RHCE: variants seen among roughly 807,000 people sequenced by gnomAD.
RHCE encodes the protein blood group Rh(CE) polypeptide.
A neutral mutation model predicts 43.8 loss-of-function variants in RHCE; 22 were observed. That is an observed-to-expected ratio of 0.50 (90% CI 0.36 to 0.72). The LOEUF (loss-of-function observed/expected upper bound fraction) is 0.72, where lower values mean the gene tolerates loss of function less well. Among genes scored for constraint, RHCE ranks in the 30% least tolerant of loss-of-function variants. The probability of loss-of-function intolerance (pLI) is 0.00; values close to 1 mark genes in which losing one functional copy is unlikely to be tolerated. For synonymous variants in RHCE, 156 were observed against 210.7 expected (o/e 0.74, Z 2.25); for missense variants, 385 against 525.4 (o/e 0.73, Z 2.61).
intron 3 of RHCE, among the ~76,000 whole-genome samples, chr1:25,395,246 C>G (rs1465135070): frequency 2.1e-5 from 3 of 144,324 alleles, no homozygotes; most frequent in Non-Finnish European, 4.5e-5. Flanking sequence ...ATTCTCTCTC[C>G]CTGGACTACA....
chr1:25,396,032 C>A (rs1646524550), intron 3 of RHCE, among the ~76,000 whole-genome samples: 1 of 151,566 alleles, frequency 6.6e-6, no homozygotes, highest in Non-Finnish European at 1.5e-5. Flanking sequence ...TTAACACACC[C>A]AGTAATGGGG....
chr1:25,408,951 T>C lies in RHCE; in HGVS notation c.149-82A>G, dbSNP rs1372409878. 3.1e-6 allele frequency: 3 copies of C among 981,110 alleles called. 1 individual carries two copies. The highest frequency in any genetic ancestry group is 1.5e-5 in the African/African-American group (1 of 68,786). The allele number at this position is 981,110 out of a possible 1,614,324, so 60.8% of individuals were successfully genotyped here. On this transcript the variant is annotated intron_variant, in intron 1 of 9. Coordinates refer to ENST00000294413, the MANE Select transcript of RHCE (RefSeq NM_020485.8). ...GGTATGAAATTAGAGTCTTACTAAA[T>C]GGCAGCTGGAAGGGGCATGCAAGAT...
intron 6 of RHCE, among the ~76,000 whole-genome samples, chr1:25,386,761 G>T (rs1341262544): frequency 1.3e-5 from 2 of 152,072 alleles, no homozygotes; most frequent in African/African-American, 2.4e-5. Flanking sequence ...GGCAGAGCTT[G>T]CAGTAAGCCA....
At chr1:25,387,018 G>A (rs866235299) in intron 6 of RHCE, among the ~76,000 whole-genome samples, 3 of 152,146 alleles carry the variant, frequency 2.0e-5, no homozygotes, top group South Asian at 4.1e-4. Flanking sequence ...GTGACAGAAC[G>A]AGACTCTGTC....
At chr1:25,413,835 G>A (rs1381901581) in intron 1 of RHCE, among the ~76,000 whole-genome samples, 2 of 151,930 alleles carry the variant, frequency 1.3e-5, no homozygotes, top group East Asian at 1.9e-4. Context: ...ATGGTAGCAG[G>A]AGGATTCAAA....
intron 1 of RHCE, among the ~76,000 whole-genome samples, chr1:25,417,680 T>C (rs1396482970): frequency 2.6e-5 from 4 of 152,182 alleles, no homozygotes; most frequent in African/African-American, 4.8e-5. Context: ...CATTCTGATC[T>C]CTTTCAATTT....
rs1432713774 is a variant in RHCE, at chr1:25,375,436, T to C, written c.1074-8A>G. The C allele has an allele frequency of 6.2e-7, 1 of 1,613,348 alleles. No individual in the cohort carries two copies. Among genetic ancestry groups the C allele is most frequent in the African/African-American group, 1.3e-5 (1 of 74,742 alleles). On this transcript the variant is annotated splice_region_variant and splice_polypyrimidine_tract_variant and intron_variant, in intron 7 of 9. Transcript: ENST00000294413. ...AGGACCTGGAAGCCAATCCTAGAAA[T>C]GACAAAGCAGAGGTGGTCACTTGGG...
chr1:25,422,959 G>A (rs533351337), upstream of RHCE, among the ~76,000 whole-genome samples: 5 of 152,260 alleles, frequency 3.3e-5, no homozygotes, highest in East Asian at 1.9e-4. Context: ...GAGCTCAGGC[G>A]GTAGTGCTCG....
chr1:25,411,052 A>G (rs1647058464), intron 1 of RHCE, among the ~76,000 whole-genome samples: 1 of 152,094 alleles, frequency 6.6e-6, no homozygotes, highest in Non-Finnish European at 1.5e-5. Context: ...AGACCGCACC[A>G]CTGCACTCCA....
intron 7 of RHCE, among the ~76,000 whole-genome samples, chr1:25,382,885 A>G (rs928518109): frequency 2.0e-5 from 3 of 152,194 alleles, no homozygotes; most frequent in Non-Finnish European, 4.4e-5. Context: ...TTTTCTCCAA[A>G]TAGACTTATT....
At chr1:25,386,968 T>A (rs1486597397) in intron 6 of RHCE, among the ~76,000 whole-genome samples, 2 of 151,672 alleles carry the variant, frequency 1.3e-5, no homozygotes, top group Admixed American at 6.6e-5. Context: ...GAGGTGGAGG[T>A]TGCAGTGAGC....
At chr1:25,403,638 T>C (rs1038258239) in intron 2 of RHCE, among the ~76,000 whole-genome samples, 2 of 151,814 alleles carry the variant, frequency 1.3e-5, no homozygotes, top group Non-Finnish European at 2.9e-5. Flanking sequence ...TGGGGTTCAT[T>C]GGAAGGAGAG....
chr1:25,376,592 G>T (rs919866081), intron 7 of RHCE, among the ~76,000 whole-genome samples: 2 of 152,120 alleles, frequency 1.3e-5, no homozygotes, highest in African/African-American at 4.8e-5. Flanking sequence ...AGAGTGGAGA[G>T]AATTAAAAAG....
At chr1:25,411,877 C>T (rs955563293) in intron 1 of RHCE, among the ~76,000 whole-genome samples, 1 of 152,124 alleles carries the variant, frequency 6.6e-6, no homozygotes, top group African/African-American at 2.4e-5. Flanking sequence ...TTATTAAACA[C>T]GATTGTTAAA....
intron 6 of RHCE, among the ~76,000 whole-genome samples, chr1:25,388,366 A>T (rs939773354): frequency 7.5e-6 from 1 of 133,150 alleles, no homozygotes; most frequent in African/African-American, 2.9e-5. Context: ...AGTGGACACG[A>T]CCTGGACCAT....
intron 7 of RHCE, 167 bp downstream of exon 7, chr1:25,385,544 G>C (rs1235520328): frequency 1.9e-6 from 2 of 1,060,724 alleles, no homozygotes; most frequent in East Asian, 4.9e-5. Flanking sequence ...ATCCATCCAA[G>C]GTAGGGGCTG....
intron 8 of RHCE, among the ~76,000 whole-genome samples, chr1:25,371,991 T>G (rs1571828764): frequency 6.6e-6 from 1 of 151,472 alleles, no homozygotes; most frequent in Admixed American, 6.6e-5. Flanking sequence ...GGCGCCTGCA[T>G]GAATTTTCCA....
intron 7 of RHCE, among the ~76,000 whole-genome samples, chr1:25,379,485 ATATATATATATTTTT>A (rs1468052553): frequency 5.1e-5 from 1 of 19,482 alleles, no homozygotes; most frequent in African/African-American, 3.8e-4. Flanking sequence ...ATATATATAT[ATATATATATATTTTT>A]TTTTTTTTTT....
At chr1:25,403,288 A>G (rs1646814054) in intron 2 of RHCE, among the ~76,000 whole-genome samples, 1 of 151,630 alleles carries the variant, frequency 6.6e-6, no homozygotes, top group Non-Finnish European at 1.5e-5. Context: ...TGGAGTGGCT[A>G]TTTCATCTCA....
Sources: gnomAD v4.1 joint callset for allele counts (sites outside exome capture counted in the v4.1 genomes callset) on GRCh38, gnomAD v4.1.1 for gene constraint, MANE v1.5 for transcripts, NCBI Gene and HGNC (gene_info 2026-07-23, HGNC 2026-07-21) for gene names.